NEBL: variants seen among roughly 807,000 people sequenced by gnomAD.
NEBL encodes nebulette.
NEBL carries 122 observed loss-of-function variants against 140.2 expected under a neutral mutation model. That is an observed-to-expected ratio of 0.87 (90% CI 0.75 to 1.01). The LOEUF (loss-of-function observed/expected upper bound fraction) is 1.01, where lower values mean the gene tolerates loss of function less well. Ranked by LOEUF, NEBL falls within the 50% of genes least tolerant of loss-of-function variation. The pLI, the probability that NEBL is intolerant of heterozygous loss-of-function variation, is 0.00. For missense variants in NEBL, 1,365 were observed against 1,231.3 expected (o/e 1.11, Z -1.62); for synonymous variants, 436 against 398.9 (o/e 1.09, Z -1.11).
At chr10:20,940,798 C>T (rs1247024065) in intron 4 of NEBL, among the ~76,000 whole-genome samples, 1 of 152,054 alleles carries the variant, frequency 6.6e-6, no homozygotes, top group African/African-American at 2.4e-5. Context: ...TCAGAGAATA[C>T]TATAAACACC....
intron 2 of NEBL, among the ~76,000 whole-genome samples, chr10:21,036,704 C>T (rs958717699): frequency 2.0e-5 from 3 of 151,964 alleles, no homozygotes; most frequent in South Asian, 2.1e-4. Context: ...AAGCAAAGCA[C>T]GTTCCTCCAG....
chr10:21,155,380 TCTAA>T (rs1840300713), intron 2 of NEBL, among the ~76,000 whole-genome samples: 1 of 152,148 alleles, frequency 6.6e-6, no homozygotes, highest in African/African-American at 2.4e-5. Flanking sequence ...TCTTATTCAT[TCTAA>T]CTATTTTTTT....
chr10:20,995,420 T>C (rs1446637544), intron 3 of NEBL, among the ~76,000 whole-genome samples: 1 of 151,952 alleles, frequency 6.6e-6, no homozygotes, highest in Non-Finnish European at 1.5e-5. Flanking sequence ...TTGTACAAAA[T>C]GAGAGCTGCC....
rs184792808 is a variant in NEBL at position 21,034,547 on chromosome 10, T to C, written c.165-14346A>G. ...CATAGACTCTACTTATTTGACAATT[T>C]GCAGATCAGTTATTTCCTAACTTGT... On this transcript the variant is annotated intron_variant, in intron 2 of 6. Transcript: ENST00000417816. Among the ~76,000 whole-genome samples the C allele has an allele frequency of 1.8e-4, 27 of 152,332 alleles. 1 individual carries two copies. Among genetic ancestry groups the C allele is most frequent in the African/African-American group, 6.3e-4 (26 of 41,568 alleles).
intron 4 of NEBL, among the ~76,000 whole-genome samples, chr10:20,921,808 C>T (rs1833597546): frequency 6.6e-6 from 1 of 152,092 alleles, no homozygotes; most frequent in Non-Finnish European, 1.5e-5. Context: ...TGTATACACA[C>T]ATGCACACCC....
chr10:20,848,093 G>A (rs1791873957), intron 11 of NEBL, among the ~76,000 whole-genome samples: 2 of 152,138 alleles, frequency 1.3e-5, no homozygotes, highest in Non-Finnish European at 2.9e-5. Context: ...TCTGGGCTGT[G>A]GGTCAGTGAC....
At chr10:21,111,984 A>G (rs1394208787) in intron 2 of NEBL, among the ~76,000 whole-genome samples, 1 of 152,250 alleles carries the variant, frequency 6.6e-6, no homozygotes, top group African/African-American at 2.4e-5. Flanking sequence ...CAGACACATG[A>G]AAAAATGCTC....
At chr10:21,026,692 T>C (rs1387447860) in intron 2 of NEBL, among the ~76,000 whole-genome samples, 2 of 152,244 alleles carry the variant, frequency 1.3e-5, no homozygotes, top group African/African-American at 4.8e-5. Flanking sequence ...TGCTATATGA[T>C]GATTTCCTTA....
intron 26 of NEBL, among the ~76,000 whole-genome samples, chr10:20,789,886 C>CAT (rs10554894): frequency 2.1e-3 from 315 of 149,368 alleles, no homozygotes; most frequent in Non-Finnish European, 3.9e-3. Context: ...TACACACACA[C>CAT]ATATATATAT....
chr10:20,898,358 A>G (rs1242655357), upstream of NEBL, among the ~76,000 whole-genome samples: 1 of 152,152 alleles, frequency 6.6e-6, no homozygotes, highest in African/African-American at 2.4e-5. Flanking sequence ...GATACAAAAT[A>G]CAAATTTATT....
intron 3 of NEBL, among the ~76,000 whole-genome samples, chr10:20,968,927 TC>T (rs1248486887): frequency 6.6e-6 from 1 of 152,232 alleles, no homozygotes; most frequent in East Asian, 1.9e-4. Flanking sequence ...TAGTTCATCA[TC>T]ATCTTATATC....
rs56131253 is a variant in NEBL, at chr10:20,920,480, T to C, written c.357+41192A>G. On this transcript the variant is annotated intron_variant, in intron 4 of 6. Transcript: ENST00000417816. Reference sequence around the variant, plus strand: ...AAAATGTATAAGGCAGATTTCTGCATACCGCTAAGGAGTCCAGGATACAGC... The same window carrying C: ...AAAATGTATAAGGCAGATTTCTGCACACCGCTAAGGAGTCCAGGATACAGC... Among the ~76,000 whole-genome samples, 1,136 of 152,312 alleles carry C rather than the reference T, an allele frequency of 7.5e-3. 11 individuals carry two copies. Among genetic ancestry groups the C allele is most frequent in the Non-Finnish European group, 0.012 (792 of 68,030 alleles).
intron 2 of NEBL, chr10:21,029,038 A>G: frequency 1.2e-6 from 1 of 855,598 alleles, no homozygotes; most frequent in Non-Finnish European, 1.9e-6. Context: ...GAAGAGGAAA[A>G]CTATCTCCCT....
At chr10:21,205,764 A>T (rs1841815762) in intron 3 of NEBL, among the ~76,000 whole-genome samples, 1 of 152,182 alleles carries the variant, frequency 6.6e-6, no homozygotes. Flanking sequence ...AGTATTAGAT[A>T]CTAACCAAAT....
chr10:20,846,347 A>G (rs1841939970), intron 11 of NEBL, among the ~76,000 whole-genome samples: 1 of 152,220 alleles, frequency 6.6e-6, no homozygotes, highest in African/African-American at 2.4e-5. Context: ...AGCTGTTTCC[A>G]GGTTGATTAT....
At chr10:20,827,379 C>T (rs1365318881) in intron 17 of NEBL, among the ~76,000 whole-genome samples, 1 of 152,192 alleles carries the variant, frequency 6.6e-6, no homozygotes, top group Admixed American at 6.5e-5. Context: ...CCTGGCCATC[C>T]CTGTGGAGAC....
intron 4 of NEBL, among the ~76,000 whole-genome samples, chr10:20,907,949 T>C (rs151251928): frequency 1.8e-4 from 27 of 152,332 alleles, no homozygotes; most frequent in Middle Eastern, 3.4e-3. Flanking sequence ...ATTTGTGTTA[T>C]ACCTCATCCA....
At chr10:20,806,822 A>G (rs1467109369) in intron 26 of NEBL, among the ~76,000 whole-genome samples, 1 of 152,254 alleles carries the variant, frequency 6.6e-6, no homozygotes, top group Admixed American at 6.5e-5. Flanking sequence ...GTAAAGGGTC[A>G]TTCTTGAAAC....
chr10:20,962,618 A>G (rs1012597113), intron 3 of NEBL, among the ~76,000 whole-genome samples: 7 of 152,240 alleles, frequency 4.6e-5, no homozygotes, highest in African/African-American at 1.7e-4. Flanking sequence ...CATAATGACA[A>G]TAACTGTCAC....
Sources: allele counts gnomAD v4.1 joint callset (sites outside exome capture counted in the v4.1 genomes callset), GRCh38; gene constraint gnomAD v4.1.1; transcripts MANE v1.5; gene names NCBI Gene and HGNC (gene_info 2026-07-23, HGNC 2026-07-21).